Variants in DLGAP2 observed in about 807,000 individuals in gnomAD.
DLGAP2 encodes the protein DLG associated protein 2, also known as disks large-associated protein 2.
A neutral mutation model predicts 100.3 loss-of-function variants in DLGAP2; 26 were observed. That is an observed-to-expected ratio of 0.26 (90% CI 0.19 to 0.36). The LOEUF (loss-of-function observed/expected upper bound fraction) is 0.36. Among genes scored for constraint, DLGAP2 ranks in the 10% least tolerant of loss-of-function variants. The pLI is 1.00. For synonymous variants in DLGAP2, 886 were observed against 630.1 expected (o/e 1.41, Z -6.08); for missense variants, 1,858 against 1,453.2 (o/e 1.28, Z -4.53).
At chr8:1,272,785 T>C (rs1054695872) in intron 3 of DLGAP2, among the ~76,000 whole-genome samples, 2 of 152,092 alleles carry the variant, frequency 1.3e-5, no homozygotes, top group Non-Finnish European at 2.9e-5. Context: ...CAGACGGCTC[T>C]CTAGAGCTGT....
chr8:1,333,259 A>C (rs1340888915), intron 3 of DLGAP2, among the ~76,000 whole-genome samples: 2 of 152,060 alleles, frequency 1.3e-5, no homozygotes, highest in African/African-American at 2.4e-5. Flanking sequence ...AGCAGAGCCC[A>C]TGGTAGGCCA....
intron 2 of DLGAP2, among the ~76,000 whole-genome samples, chr8:1,255,965 C>T (rs546652122): frequency 7.9e-6 from 1 of 126,666 alleles, no homozygotes; most frequent in South Asian, 2.7e-4. Context: ...TGTGTGCCCT[C>T]TCATCCTGCG....
At chr8:1,199,392 A>C (rs1160157547) in intron 2 of DLGAP2, among the ~76,000 whole-genome samples, 3 of 152,222 alleles carry the variant, frequency 2.0e-5, no homozygotes, top group African/African-American at 7.2e-5. Context: ...AATAGATTCC[A>C]GGATTACAGA....
At chr8:1,600,358 G>C (rs1251824030) in intron 6 of DLGAP2, among the ~76,000 whole-genome samples, 1 of 152,084 alleles carries the variant, frequency 6.6e-6, no homozygotes, top group East Asian at 1.9e-4. Flanking sequence ...TCTTGGGGTT[G>C]CTCTTCTCAA....
In DLGAP2 at chr8:1,017,528, GTGTGTGACCAGGACAGACGA is replaced by G. The variant is rs1563146435; in HGVS notation, c.73+109565_73+109584del. 1.0e-3 allele frequency among the ~76,000 whole-genome samples: 121 copies of G among 121,594 alleles called. 8 individuals are homozygous for G. The highest frequency in any genetic ancestry group is 4.4e-3 in the Middle Eastern group (1 of 228). The allele number at this position is 121,594 out of a possible 152,430, so 79.8% of individuals were successfully genotyped here. On this transcript the variant is annotated intron_variant, in intron 2 of 14. Coordinates refer to ENST00000637795, the MANE Select transcript of DLGAP2 (RefSeq NM_001346810.2). ...TGTGACCAGGACAGACGCCTCCACT[GTGTGTGACCAGGACAGACGA>G]TGCCTCCACTGTGTGTGTGACCAGG...
intron 1 of DLGAP2, among the ~76,000 whole-genome samples, chr8:852,394 A>T (rs550483611): frequency 6.6e-6 from 1 of 152,322 alleles, no homozygotes; most frequent in African/African-American, 2.4e-5. Flanking sequence ...AGTTTTCCAG[A>T]TGGAAGAAAG....
intron 4 of DLGAP2, among the ~76,000 whole-genome samples, chr8:1,539,814 C>G (rs1187216094): frequency 1.3e-5 from 2 of 152,190 alleles, no homozygotes; most frequent in Non-Finnish European, 2.9e-5. Context: ...AGGTGGGACA[C>G]AGCTGTGCCA....
intron 3 of DLGAP2, among the ~76,000 whole-genome samples, chr8:1,423,325 C>T (rs1354167503): frequency 6.6e-6 from 1 of 152,060 alleles, no homozygotes. Context: ...CCCCCAGGCA[C>T]CCGGGCAGCT....
chr8:919,851 C>G (rs1297271080), intron 2 of DLGAP2, among the ~76,000 whole-genome samples: 1 of 152,244 alleles, frequency 6.6e-6, no homozygotes, highest in Non-Finnish European at 1.5e-5. Context: ...CTACTGAAAT[C>G]TTTCCCTTTA....
intron 1 of DLGAP2, among the ~76,000 whole-genome samples, chr8:809,125 G>A (rs1340621693): frequency 6.6e-6 from 1 of 151,952 alleles, no homozygotes; most frequent in African/African-American, 2.4e-5. Flanking sequence ...GGCTGGTTTC[G>A]AATTCCTGGC....
rs535039103 is a variant in DLGAP2 at position 1,089,149 on chromosome 8, A to G, written c.74-169702A>G. 5.1e-5 allele frequency among the ~76,000 whole-genome samples: 7 copies of G among 137,520 alleles called. No individual in the cohort carries two copies. The East Asian group carries it at 1.3e-3, about 25-fold the overall frequency. 90.2% of individuals were successfully genotyped at this position (137,520 alleles called of 152,430 possible). A position where few individuals can be genotyped will look rare whatever the true frequency, so the allele number is the denominator to read the frequency against. On this transcript the variant is annotated intron_variant, in intron 2 of 14. Coordinates refer to ENST00000637795, the MANE Select transcript of DLGAP2 (RefSeq NM_001346810.2). ...CACCCCTCATCCAGCAGGCTATGCA[A>G]TTCTCGCTCCCCGGCCTCACTCTCT...
chr8:1,147,079 AC>A (rs1199436359), intron 2 of DLGAP2, among the ~76,000 whole-genome samples: 3 of 152,198 alleles, frequency 2.0e-5, no homozygotes, highest in Non-Finnish European at 2.9e-5. Flanking sequence ...TAAAATTTGG[AC>A]ATTTGGCATC....
At chr8:910,666 A>G (rs1798466525) in intron 2 of DLGAP2, 1 of 152,110 alleles carries the variant, frequency 6.6e-6, no homozygotes, top group Non-Finnish European at 1.5e-5. Flanking sequence ...TTTGCAACCT[A>G]CCTGGAGTGA....
chr8:1,483,159 T>C (rs1367644598), intron 3 of DLGAP2, among the ~76,000 whole-genome samples: 1 of 152,060 alleles, frequency 6.6e-6, no homozygotes, highest in Non-Finnish European at 1.5e-5. Context: ...CTGCTGGGCG[T>C]TTGCAGGGAG....
At chr8:1,474,426 C>G (rs544176727) in intron 3 of DLGAP2, among the ~76,000 whole-genome samples, 116 of 152,290 alleles carry the variant, frequency 7.6e-4, no homozygotes, top group African/African-American at 2.8e-3. Flanking sequence ...AACGGTGGGT[C>G]TACTCTTAGT....
At chr8:903,403 A>C (rs768298461) in intron 1 of DLGAP2, among the ~76,000 whole-genome samples, 5 of 152,206 alleles carry the variant, frequency 3.3e-5, no homozygotes, top group Admixed American at 2.6e-4. Flanking sequence ...CTGTGATGTC[A>C]GCTCAATACA....
At chr8:1,696,279 T>A (rs750819548) in intron 13 of DLGAP2, among the ~76,000 whole-genome samples, 20 of 152,100 alleles carry the variant, frequency 1.3e-4, no homozygotes, top group Admixed American at 1.3e-4. Context: ...GGCAAGAGGG[T>A]TGCTTGAGCC....
chr8:1,029,912 G>C (rs1801926880), intron 2 of DLGAP2, among the ~76,000 whole-genome samples: 1 of 152,126 alleles, frequency 6.6e-6, no homozygotes, highest in African/African-American at 2.4e-5. Flanking sequence ...CAAACATGTG[G>C]GCAATGTGGA....
At chr8:1,227,603 C>G (rs1268402702) in intron 2 of DLGAP2, among the ~76,000 whole-genome samples, 1 of 151,984 alleles carries the variant, frequency 6.6e-6, no homozygotes, top group Non-Finnish European at 1.5e-5. Context: ...AAGCAATTCT[C>G]AAGCATTGCC....
Sources: gnomAD v4.1 joint callset for allele counts (sites outside exome capture counted in the v4.1 genomes callset) on GRCh38, gnomAD v4.1.1 for gene constraint, MANE v1.5 for transcripts, NCBI Gene and HGNC (gene_info 2026-07-23, HGNC 2026-07-21) for gene names.